The following UBAC2 variants were observed in gnomAD, a reference collection of about 807,000 sequenced individuals.
UBAC2 encodes UBA domain containing 2.
A neutral mutation model predicts 44.0 loss-of-function variants in UBAC2; 26 were observed. The ratio of observed to expected loss-of-function variants is 0.59; its 90% confidence interval spans 0.43 to 0.82. The LOEUF is 0.82. Ranked by LOEUF, UBAC2 falls within the 40% of genes least tolerant of loss-of-function variation. The pLI, the probability that UBAC2 is intolerant of heterozygous loss-of-function variation, is 0.00. For missense variants in UBAC2, 329 were observed against 419.4 expected (o/e 0.78, Z 1.88); for synonymous variants, 155 against 154.3 (o/e 1.00, Z -0.04).
intron 7 of UBAC2, among the ~76,000 whole-genome samples, chr13:99,366,225 G>C (rs1258257384): frequency 2.6e-5 from 4 of 151,818 alleles, no homozygotes; most frequent in African/African-American, 4.8e-5. Context: ...TAGTCTTTTT[G>C]AAGTGTGTAA....
chr13:99,233,517 G>T lies in UBAC2; in HGVS notation c.32-4910G>T, dbSNP rs535373440. Reference sequence around the variant, plus strand: ...GTATAGGTGAGCCTAAAGCAAGGAAGATGAGTGGGTAGGTGGAGCAGCCAG... The same window carrying T: ...GTATAGGTGAGCCTAAAGCAAGGAATATGAGTGGGTAGGTGGAGCAGCCAG... On this transcript the variant is annotated intron_variant, in intron 1 of 8. Coordinates refer to ENST00000403766, the MANE Select transcript of UBAC2 (RefSeq NM_001144072.2). Among the ~76,000 whole-genome samples the T allele has an allele frequency of 2.0e-3, 301 of 152,308 alleles. 1 individual carries two copies. The highest frequency in any genetic ancestry group is 0.019 in the South Asian group (92 of 4,818).
At chr13:99,334,008 T>G (rs2044752747) in intron 6 of UBAC2, among the ~76,000 whole-genome samples, 1 of 152,190 alleles carries the variant, frequency 6.6e-6, no homozygotes, top group African/African-American at 2.4e-5. Flanking sequence ...GATGCATTGG[T>G]GCAATCATAG....
At chr13:99,334,299 T>C (rs1163138162) in intron 6 of UBAC2, among the ~76,000 whole-genome samples, 1 of 152,118 alleles carries the variant, frequency 6.6e-6, no homozygotes. Context: ...AGGTGTAAAA[T>C]ATGACAGAAG....
At position 99,295,633 on chromosome 13, in the gene UBAC2, C is replaced by T. The variant is rs1246389501; in HGVS notation, c.390-18464C>T. ...TAATCCTTTCAGCCTCCTGCTTTGA[C>T]ATAGGGTTGATGAGGAGTGGGAGTG... is the stretch of plus-strand genomic sequence containing the variant. On this transcript the variant is annotated intron_variant, in intron 4 of 8. Transcript: ENST00000403766. The surrounding 1 kb of genome is among the most constrained non-coding windows in gnomAD (Gnocchi z 4.1). 6.2e-7 allele frequency: 1 copy of T among 1,614,020 alleles called. No individual in the cohort carries two copies. Among genetic ancestry groups the T allele is most frequent in the African/African-American group, 1.3e-5 (1 of 74,906 alleles).
chr13:99,347,497 C>T (rs2045009432), intron 7 of UBAC2, among the ~76,000 whole-genome samples: 1 of 152,028 alleles, frequency 6.6e-6, no homozygotes, highest in South Asian at 2.1e-4. Context: ...ACTGGCTGCC[C>T]TCATTCTGGG....
intron 4 of UBAC2, among the ~76,000 whole-genome samples, chr13:99,270,514 A>G (rs776158820): frequency 1.3e-5 from 2 of 152,242 alleles, no homozygotes; most frequent in Non-Finnish European, 2.9e-5. Context: ...GATTTTAATT[A>G]CTACTTTTTA....
At chr13:99,215,746 T>C in intron 1 of UBAC2, 1 of 1,406,668 alleles carries the variant, frequency 7.1e-7, no homozygotes. Flanking sequence ...TTCCCAGCCT[T>C]ACCGTCAGCC....
At chr13:99,240,503 T>C (rs1268996904) in intron 2 of UBAC2, among the ~76,000 whole-genome samples, 2 of 152,148 alleles carry the variant, frequency 1.3e-5, no homozygotes, top group African/African-American at 4.8e-5. Flanking sequence ...AGTATTTTCA[T>C]TGTAATATTA....
At chr13:99,224,034 T>C (rs892442329) in intron 1 of UBAC2, among the ~76,000 whole-genome samples, 9 of 152,198 alleles carry the variant, frequency 5.9e-5, no homozygotes, top group African/African-American at 2.2e-4. Flanking sequence ...TGTGTATCCT[T>C]ACTGATTTTA....
chr13:99,215,231 T>C, intron 1 of UBAC2: 2 of 638,818 alleles, frequency 3.1e-6, no homozygotes, highest in Non-Finnish European at 5.7e-6. Flanking sequence ...GGAAAGCTAA[T>C]TAAACTTCCA....
In UBAC2 at chr13:99,228,486, G is replaced by A. The variant is rs1011923936; in HGVS notation, c.32-9941G>A. ...TTTTTGTATTTTTAGTAGTGACGGG[G>A]CTTCACGATGTTGGCCAGGCTAGTC... On this transcript the variant is annotated intron_variant, in intron 1 of 8. Coordinates refer to ENST00000403766, the MANE Select transcript of UBAC2 (RefSeq NM_001144072.2). 3.9e-5 allele frequency among the ~76,000 whole-genome samples: 6 copies of A among 152,160 alleles called. No individual in the cohort carries two copies. The East Asian group carries it at 1.2e-3, about 29-fold the overall frequency.
chr13:99,347,332 C>A (rs1162845636), intron 7 of UBAC2, among the ~76,000 whole-genome samples: 1 of 97,040 alleles, frequency 1.0e-5, no homozygotes, highest in African/African-American at 3.2e-5. Context: ...CCCCCCCCCC[C>A]CCAGGAAAAA....
intron 1 of UBAC2, chr13:99,201,431 T>TC: frequency 1.2e-6 from 2 of 1,613,554 alleles, no homozygotes; most frequent in Non-Finnish European, 1.7e-6. Context: ...TTCTTCAGTC[T>TC]CCAAGAAGAG....
chr13:99,380,169 G>A (rs755103227), intron 8 of UBAC2, among the ~76,000 whole-genome samples: 1 of 152,178 alleles, frequency 6.6e-6, no homozygotes, highest in East Asian at 1.9e-4. Context: ...TGCCATGTTG[G>A]TACTCAAAAA....
intron 4 of UBAC2, among the ~76,000 whole-genome samples, chr13:99,266,953 A>T (rs1003830008): frequency 2.0e-4 from 30 of 152,076 alleles, no homozygotes; most frequent in Non-Finnish European, 4.4e-5. Context: ...CGTTTTCCCC[A>T]GCAGCTGCAC....
chr13:99,305,120 G>T (rs528051036), intron 4 of UBAC2, among the ~76,000 whole-genome samples: 14 of 152,070 alleles, frequency 9.2e-5, no homozygotes, highest in South Asian at 4.1e-4. Context: ...CTGAAATTTC[G>T]ATTGAAAAAA....
Position 99,314,195 on chromosome 13 carries a change from C to CATTGATTTATA in UBAC2, c.489_499dup (p.Ile167AsnfsTer2). ...GGTCCGTTGTCCATCACAAACAAGA[C>CATTGATTTATA]ATTGATTTATATATTGGGACTGCAG... On this transcript the variant is annotated frameshift_variant, in exon 5 of 9. Coordinates refer to ENST00000403766, the MANE Select transcript of UBAC2 (RefSeq NM_001144072.2). LOFTEE classifies it high-confidence loss of function. 6.3e-7 allele frequency: 1 copy of CATTGATTTATA among 1,598,634 alleles called. No individual in the cohort carries two copies. The highest frequency in any genetic ancestry group is 1.1e-5 in the South Asian group (1 of 90,706).
At chr13:99,251,017 G>A (rs1224514675) in intron 4 of UBAC2, among the ~76,000 whole-genome samples, 1 of 152,082 alleles carries the variant, frequency 6.6e-6, no homozygotes, top group Non-Finnish European at 1.5e-5. Context: ...CCAAAGTGCT[G>A]GCTGGGATTA....
rs2138647073 is a variant in UBAC2, at chr13:99,262,772, T to TGTTATCAG, written c.389+18154_389+18161dup. 1.4e-5 allele frequency among the ~76,000 whole-genome samples: 2 copies of TGTTATCAG among 143,360 alleles called. 1 individual carries two copies. The highest frequency in any genetic ancestry group is 3.0e-5 in the Non-Finnish European group (2 of 65,792). 94.0% of individuals were successfully genotyped at this position (143,360 alleles called of 152,430 possible). ...GTGGAAGGTAAAGGAACAAGAGATG[T>TGTTATCAG]GTTATCAGGTTATTTAAACATAAAC... On this transcript the variant is annotated intron_variant, in intron 4 of 8. Transcript: ENST00000403766.
Sources: allele counts gnomAD v4.1 joint callset (sites outside exome capture counted in the v4.1 genomes callset), GRCh38; gene constraint gnomAD v4.1.1; non-coding constraint Gnocchi (gnomAD v3.1); transcripts MANE v1.5; gene names NCBI Gene and HGNC (gene_info 2026-07-23, HGNC 2026-07-21).